Variants in HDAC4 observed in about 807,000 individuals in gnomAD.
HDAC4 encodes histone deacetylase A.
Under a neutral mutation model 135.1 loss-of-function variants are expected in HDAC4, and 16 were observed. The observed-to-expected ratio is 0.12, with a 90% CI of 0.08 to 0.18. The LOEUF is 0.18. HDAC4 is among the 10% of genes least tolerant of loss of function. The pLI, the probability that HDAC4 is intolerant of heterozygous loss-of-function variation, is 1.00. For synonymous variants in HDAC4, 685 were observed against 653.4 expected, an observed-to-expected ratio of 1.05 and a Z score of -0.74; for missense variants, 1,143 against 1,511.8, an observed-to-expected ratio of 0.76 and a Z score of 4.05.
intron 2 of HDAC4, among the ~76,000 whole-genome samples, chr2:239,348,935 C>G (rs1692916681): frequency 6.6e-6 from 1 of 152,262 alleles, no homozygotes; most frequent in Admixed American, 6.5e-5. Flanking sequence ...ACAAAACTCA[C>G]CCAGCAGCAG....
At chr2:239,390,187 C>T (rs912777221) in intron 1 of HDAC4, among the ~76,000 whole-genome samples, 3 of 152,130 alleles carry the variant, frequency 2.0e-5, no homozygotes, top group Admixed American at 2.0e-4. Flanking sequence ...CAGTACCTAG[C>T]GAGATCCTAT....
intron 5 of HDAC4, among the ~76,000 whole-genome samples, chr2:239,175,980 C>T (rs181339355): frequency 3.2e-4 from 48 of 152,300 alleles, no homozygotes; most frequent in African/African-American, 1.1e-3. Context: ...GTCACACTCA[C>T]TGTCCCTGTC....
chr2:239,180,357 G>A (rs2044068104), intron 4 of HDAC4, among the ~76,000 whole-genome samples: 2 of 152,068 alleles, frequency 1.3e-5, no homozygotes, highest in Non-Finnish European at 1.5e-5. Flanking sequence ...CATCAATCCC[G>A]TTCCTGGACC....
In HDAC4 at chr2:239,309,995, T is replaced by C. The variant is rs2125699903; in HGVS notation, c.22+42683A>G. ...CCCAAGGAGTTTCTCCAGAGCAGCC[T>C]GTCCTCTTCGGTCCAGAAAAAGTCA... is the stretch of plus-strand genomic sequence containing the variant. On this transcript the variant is annotated intron_variant, in intron 2 of 26. Transcript: ENST00000543185. This position sits in a 1 kb window ranked among gnomAD's most constrained non-coding sequence, Gnocchi z 4.2. Among the ~76,000 whole-genome samples, 1 of 152,354 alleles carries C rather than the reference T, an allele frequency of 6.6e-6. No homozygotes were observed. Among genetic ancestry groups the C allele is most frequent in the South Asian group, 2.1e-4 (1 of 4,826 alleles).
chr2:239,224,170 C>T (rs2047117995), intron 3 of HDAC4, among the ~76,000 whole-genome samples: 2 of 152,248 alleles, frequency 1.3e-5, no homozygotes, highest in East Asian at 1.9e-4. Flanking sequence ...CTCGACTCTT[C>T]TGTTTCCTGC....
intron 2 of HDAC4, among the ~76,000 whole-genome samples, chr2:239,249,403 C>A (rs1386549667): frequency 3.3e-5 from 5 of 152,112 alleles, no homozygotes; most frequent in Non-Finnish European, 5.9e-5. Context: ...ATGGACTTGG[C>A]GTGGGTGTGC....
intron 2 of HDAC4, among the ~76,000 whole-genome samples, chr2:239,312,992 CG>C (rs1301568566): frequency 6.6e-6 from 1 of 152,188 alleles, no homozygotes; most frequent in Non-Finnish European, 1.5e-5. Flanking sequence ...TGGCTGCCGA[CG>C]GGAGGCAGAC....
intron 2 of HDAC4, among the ~76,000 whole-genome samples, chr2:239,297,573 A>G (rs2051984842): frequency 6.6e-6 from 1 of 152,216 alleles, no homozygotes; most frequent in South Asian, 2.1e-4. Context: ...GGGAATCCAA[A>G]GCAGGACATG....
intron 2 of HDAC4, among the ~76,000 whole-genome samples, chr2:239,237,862 C>A (rs2047975419): frequency 6.6e-6 from 1 of 152,190 alleles, no homozygotes; most frequent in Non-Finnish European, 1.5e-5. Context: ...ACCTCTCCAA[C>A]CAACCAGCAG....
At chr2:239,236,281 G>C (rs369584849) in intron 3 of HDAC4, among the ~76,000 whole-genome samples, 1 of 152,174 alleles carries the variant, frequency 6.6e-6, no homozygotes, top group Non-Finnish European at 1.5e-5. Context: ...AGGCCCTCAC[G>C]GGGATCAGGG....
chr2:239,298,546 TG>T, intron 2 of HDAC4: 5 of 1,025,054 alleles, frequency 4.9e-6, no homozygotes, highest in Non-Finnish European at 5.9e-6. Flanking sequence ...TCATAGCCAC[TG>T]GGGATGCAGG....
At chr2:239,254,079 C>T (rs2048929248) in intron 2 of HDAC4, among the ~76,000 whole-genome samples, 1 of 152,138 alleles carries the variant, frequency 6.6e-6, no homozygotes, top group African/African-American at 2.4e-5. Flanking sequence ...ATGTGGCCTC[C>T]AGATTCATAT....
At position 239,303,778 on chromosome 2, in the gene HDAC4, T is replaced by TCCCC. The variant is rs1246988297; in HGVS notation, c.22+48896_22+48899dup. ...TTCAAAAGCGACTGCGACAGCTGCA[T>TCCCC]CCCCCGTGCTCAACTGCAGGGCGCG... On this transcript the variant is annotated intron_variant, in intron 2 of 26. Coordinates refer to ENST00000543185, the MANE Select transcript of HDAC4 (RefSeq NM_001378414.1). This position sits in a 1 kb window ranked among gnomAD's most constrained non-coding sequence, Gnocchi z 5.1. Among the ~76,000 whole-genome samples the TCCCC allele has an allele frequency of 6.6e-6, 1 of 152,064 alleles. No individual in the cohort carries two copies. Among genetic ancestry groups the TCCCC allele is most frequent in the African/African-American group, 2.4e-5 (1 of 41,394 alleles).
chr2:239,105,595 G>A (rs949846453), intron 15 of HDAC4, among the ~76,000 whole-genome samples: 19 of 152,184 alleles, frequency 1.2e-4, no homozygotes, highest in African/African-American at 4.3e-4. Context: ...CTCACCACGC[G>A]AAGCCAACTC....
intron 3 of HDAC4, among the ~76,000 whole-genome samples, chr2:239,199,737 T>C (rs1397546236): frequency 2.0e-4 from 1 of 4,988 alleles, no homozygotes; most frequent in African/African-American, 1.4e-3. Flanking sequence ...TGTACATTTC[T>C]TTTTTTTTTT....
intron 7 of HDAC4, 152 bp from the exon 8 acceptor site, chr2:239,144,866 A>T: frequency 1.3e-6 from 1 of 753,082 alleles, no homozygotes; most frequent in Non-Finnish European, 2.3e-6. Flanking sequence ...GAGCTCACGA[A>T]GCAGGGGATT....
At chr2:239,095,319 G>C (rs1484841498) in intron 16 of HDAC4, among the ~76,000 whole-genome samples, 1 of 152,194 alleles carries the variant, frequency 6.6e-6, no homozygotes, top group Non-Finnish European at 1.5e-5. Flanking sequence ...CAGCCTGTCA[G>C]GGGCCCAGGA....
intron 19 of HDAC4, among the ~76,000 whole-genome samples, chr2:239,085,298 C>G (rs1338554088): frequency 6.6e-6 from 1 of 152,104 alleles, no homozygotes; most frequent in Non-Finnish European, 1.5e-5. Context: ...ACCAAGAAAA[C>G]AAGCTATGAA....
At chr2:239,078,416 T>A (rs2034982273) in intron 22 of HDAC4, among the ~76,000 whole-genome samples, 1 of 151,972 alleles carries the variant, frequency 6.6e-6, no homozygotes, top group South Asian at 2.1e-4. Flanking sequence ...GGGGCCCCCG[T>A]GGGGGAGAAG....
Sources: allele counts gnomAD v4.1 joint callset (sites outside exome capture counted in the v4.1 genomes callset), GRCh38; gene constraint gnomAD v4.1.1; non-coding constraint Gnocchi (gnomAD v3.1); transcripts MANE v1.5; gene names NCBI Gene and HGNC (gene_info 2026-07-23, HGNC 2026-07-21).